ASIC2: variants seen among roughly 807,000 people sequenced by gnomAD.
The protein encoded by ASIC2 is acid-sensing ion channel 2.
ASIC2 carries 25 observed loss-of-function variants against 57.3 expected under a neutral mutation model. The observed-to-expected ratio is 0.44, with a 90% CI of 0.32 to 0.61. ASIC2 has a LOEUF of 0.61. Ranked by LOEUF, ASIC2 falls within the 20% of genes least tolerant of loss-of-function variation. The pLI, the probability that ASIC2 is intolerant of heterozygous loss-of-function variation, is 0.06. For synonymous variants in ASIC2, 319 were observed against 307.5 expected (o/e 1.04, Z -0.39); for missense variants, 641 against 738.1 (o/e 0.87, Z 1.52).
chr17:33,276,470 A>G (rs1270819638), intron 1 of ASIC2, among the ~76,000 whole-genome samples: 1 of 152,236 alleles, frequency 6.6e-6, no homozygotes, highest in Non-Finnish European at 1.5e-5. Flanking sequence ...CCTAAGTAGC[A>G]ATATGCTGCT....
At chr17:34,083,677 G>A (rs958967407) in intron 1 of ASIC2, among the ~76,000 whole-genome samples, 10 of 152,262 alleles carry the variant, frequency 6.6e-5, no homozygotes, top group Middle Eastern at 3.4e-3. Flanking sequence ...ATCCTCTCCA[G>A]CACCTGTTGT....
chr17:33,646,674 A>G (rs1387612652), intron 1 of ASIC2, among the ~76,000 whole-genome samples: 1 of 152,200 alleles, frequency 6.6e-6, no homozygotes, highest in East Asian at 1.9e-4. Context: ...CTTCAGTTCT[A>G]CTGAAAATCA....
At chr17:33,481,270 C>G (rs142386500) in intron 1 of ASIC2, among the ~76,000 whole-genome samples, 7 of 152,308 alleles carry the variant, frequency 4.6e-5, no homozygotes, top group South Asian at 4.1e-4. Flanking sequence ...CTCACGCGTG[C>G]TTACTCTTCA....
At chr17:34,107,665 T>C (rs948049341) in intron 1 of ASIC2, among the ~76,000 whole-genome samples, 4 of 152,192 alleles carry the variant, frequency 2.6e-5, no homozygotes, top group Non-Finnish European at 5.9e-5. Flanking sequence ...ACAAGTCCAA[T>C]CTGACCAAAA....
intron 1 of ASIC2, among the ~76,000 whole-genome samples, chr17:33,506,143 C>T (rs1914245562): frequency 2.0e-5 from 3 of 151,578 alleles, no homozygotes; most frequent in Admixed American, 1.3e-4. Context: ...GCCTGTAATC[C>T]CAGCACTTCG....
At chr17:34,023,935 C>T (rs971920037) in intron 1 of ASIC2, among the ~76,000 whole-genome samples, 3 of 152,092 alleles carry the variant, frequency 2.0e-5, no homozygotes, top group Admixed American at 2.0e-4. Context: ...TTACTGTATC[C>T]CTATAACATA....
intron 1 of ASIC2, among the ~76,000 whole-genome samples, chr17:33,728,767 G>A (rs1380324915): frequency 1.3e-5 from 2 of 152,154 alleles, no homozygotes; most frequent in South Asian, 2.1e-4. Flanking sequence ...ATTGAGTTGG[G>A]AAGGCAGAGG....
At position 33,017,692 on chromosome 17, in the gene ASIC2, G is replaced by T. The variant is rs1567717624; in HGVS notation, c.1442-8C>A. On this transcript the variant is annotated splice_polypyrimidine_tract_variant and splice_region_variant and intron_variant, in intron 7 of 9. Transcript: ENST00000225823. The stretch of plus-strand genomic sequence containing the variant: ...TCTGACCACCAATATCACCTGGAGA[G>T]AGAGGGAAAAGACCAAAGCTTTGCT... The T allele has an allele frequency of 6.2e-7, 1 of 1,612,034 alleles. No individual in the cohort carries two copies. Among genetic ancestry groups the T allele is most frequent in the South Asian group, 1.1e-5 (1 of 90,974 alleles).
At chr17:34,100,111 T>C (rs1295046206) in intron 1 of ASIC2, among the ~76,000 whole-genome samples, 3 of 152,042 alleles carry the variant, frequency 2.0e-5, no homozygotes, top group African/African-American at 7.2e-5. Context: ...AAGAGCAGGA[T>C]TGAAAACAGT....
At chr17:33,039,826 C>A (rs891150827) in intron 3 of ASIC2, among the ~76,000 whole-genome samples, 2 of 152,150 alleles carry the variant, frequency 1.3e-5, no homozygotes, top group Non-Finnish European at 2.9e-5. Context: ...CCTGCTCCCT[C>A]CCCATCTTTT....
intron 3 of ASIC2, among the ~76,000 whole-genome samples, chr17:33,033,285 G>A (rs2091893461): frequency 6.6e-6 from 1 of 152,198 alleles, no homozygotes; most frequent in African/African-American, 2.4e-5. Context: ...CGCCCAAACT[G>A]CAGCTGTGTA....
At chr17:33,231,201 C>T (rs1009552014) in intron 1 of ASIC2, among the ~76,000 whole-genome samples, 8 of 152,186 alleles carry the variant, frequency 5.3e-5, no homozygotes, top group African/African-American at 1.7e-4. Flanking sequence ...GGCACGTTCT[C>T]GCTATCAGGG....
At chr17:33,603,574 A>G (rs116417164) in intron 1 of ASIC2, among the ~76,000 whole-genome samples, 1 of 152,168 alleles carries the variant, frequency 6.6e-6, no homozygotes, top group Non-Finnish European at 1.5e-5. Context: ...AAGTGAGGAC[A>G]TGAGGCCACT....
At chr17:33,388,754 C>T (rs1160490115) in intron 1 of ASIC2, among the ~76,000 whole-genome samples, 3 of 152,190 alleles carry the variant, frequency 2.0e-5, no homozygotes, top group African/African-American at 4.8e-5. Context: ...GTAATCAATG[C>T]CTGCCCCACA....
chr17:33,461,249 T>A (rs1270123215), intron 1 of ASIC2, among the ~76,000 whole-genome samples: 2 of 152,238 alleles, frequency 1.3e-5, no homozygotes, highest in Admixed American at 1.3e-4. Context: ...TACGTTTAGA[T>A]AAAAGTTTTG....
chr17:33,046,902 T>A (rs956848299), intron 3 of ASIC2, among the ~76,000 whole-genome samples: 7 of 152,220 alleles, frequency 4.6e-5, no homozygotes, highest in Non-Finnish European at 1.0e-4. Context: ...ACCTTCTTCC[T>A]TTGGGACACT....
At chr17:33,212,358 C>G (rs1181418120) in intron 1 of ASIC2, among the ~76,000 whole-genome samples, 2 of 152,110 alleles carry the variant, frequency 1.3e-5, no homozygotes, top group Non-Finnish European at 2.9e-5. Context: ...ACGATGGAAG[C>G]AAAGATTGGA....
At chr17:33,578,726 G>A (rs560128198) in intron 1 of ASIC2, among the ~76,000 whole-genome samples, 47 of 152,288 alleles carry the variant, frequency 3.1e-4, no homozygotes, top group Admixed American at 2.7e-3. Flanking sequence ...GACCTTGACA[G>A]AGGGGGCACT....
chr17:33,784,062 C>T (rs1911533958), intron 1 of ASIC2, among the ~76,000 whole-genome samples: 1 of 152,106 alleles, frequency 6.6e-6, no homozygotes, highest in Non-Finnish European at 1.5e-5. Context: ...TGGAGTCTGG[C>T]ATTAGGAGAC....
Sources: gnomAD v4.1 joint callset for allele counts (sites outside exome capture counted in the v4.1 genomes callset) on GRCh38, gnomAD v4.1.1 for gene constraint, MANE v1.5 for transcripts, NCBI Gene and HGNC (gene_info 2026-07-23, HGNC 2026-07-21) for gene names.